TMEM132D: variants seen among roughly 807,000 people sequenced by gnomAD.
TMEM132D encodes transmembrane protein 132D, also known as mature OL transmembrane protein.
A neutral mutation model predicts 62.3 loss-of-function variants in TMEM132D; 21 were observed. The observed-to-expected ratio is 0.34, with a 90% confidence interval of 0.24 to 0.49. TMEM132D has a LOEUF of 0.49. Among genes scored for constraint, TMEM132D ranks in the 20% least tolerant of loss-of-function variants. The pLI is 0.99. For missense variants in TMEM132D, 1,346 were observed against 1,402.8 expected (o/e 0.96, Z 0.65); for synonymous variants, 621 against 575.6 (o/e 1.08, Z -1.13).
intron 2 of TMEM132D, among the ~76,000 whole-genome samples, chr12:129,549,810 C>T (rs541206032): frequency 3.7e-4 from 57 of 152,286 alleles, no homozygotes; most frequent in African/African-American, 1.3e-3. Flanking sequence ...TTCCTTTACC[C>T]CTTGTGACCG....
At chr12:129,644,579 A>G (rs896804011) in intron 2 of TMEM132D, among the ~76,000 whole-genome samples, 3 of 152,138 alleles carry the variant, frequency 2.0e-5, no homozygotes, top group Admixed American at 6.5e-5. Flanking sequence ...TGCAGTTACC[A>G]TTTTACAGTG....
chr12:129,240,684 A>T (rs1879913304), intron 4 of TMEM132D, among the ~76,000 whole-genome samples: 1 of 152,226 alleles, frequency 6.6e-6, no homozygotes, highest in African/African-American at 2.4e-5. Context: ...TCCAAGATAG[A>T]ACTCTTCAAG....
chr12:129,153,343 C>T (rs1424178546), intron 5 of TMEM132D, among the ~76,000 whole-genome samples: 2 of 152,130 alleles, frequency 1.3e-5, no homozygotes, highest in African/African-American at 4.8e-5. Flanking sequence ...GTGGTGTTGG[C>T]TCACGGCATA....
intron 2 of TMEM132D, among the ~76,000 whole-genome samples, chr12:129,541,416 C>T (rs1876579067): frequency 2.0e-5 from 3 of 152,230 alleles, no homozygotes; most frequent in South Asian, 2.1e-4. Context: ...TCATAGGAAT[C>T]GTTATGACTC....
chr12:129,175,806 C>T (rs1005131967), intron 5 of TMEM132D, among the ~76,000 whole-genome samples: 1 of 152,214 alleles, frequency 6.6e-6, no homozygotes, highest in Non-Finnish European at 1.5e-5. Context: ...CTTTGTCCAT[C>T]TAACTTCTCA....
rs978734240 is a variant in TMEM132D, at chr12:129,246,774, AAAAAAGAT to A, written c.1300-37119_1300-37112del. Among the ~76,000 whole-genome samples, 224 of 152,256 alleles carry A rather than the reference AAAAAAGAT, an allele frequency of 1.5e-3. 1 individual carries two copies. Among genetic ancestry groups the A allele is most frequent in the African/African-American group, 5.2e-3 (216 of 41,548 alleles). On this transcript the variant is annotated intron_variant, in intron 4 of 8. Transcript: ENST00000422113. ...GAGCAAGACTCTATCTCAAAAAAAA[AAAAAAGAT>A]AGAAAGTAGGCACATGGTATCAAGA...
intron 1 of TMEM132D, among the ~76,000 whole-genome samples, chr12:129,899,303 GC>G (rs1202994526): frequency 3.1e-5 from 4 of 129,446 alleles, no homozygotes; most frequent in East Asian, 4.3e-4. Flanking sequence ...ATGGATGCAT[GC>G]ATGGATGGAT....
chr12:129,403,456 C>T (rs76488740), intron 3 of TMEM132D, among the ~76,000 whole-genome samples: 3,725 of 151,586 alleles, frequency 0.025, 73 homozygotes, highest in Non-Finnish European at 0.037. Context: ...GAGTAGGAAA[C>T]GGCATTAATG....
chr12:129,883,162 A>G (rs193028174), intron 1 of TMEM132D, among the ~76,000 whole-genome samples: 86 of 152,344 alleles, frequency 5.6e-4, no homozygotes, highest in African/African-American at 1.8e-3. Flanking sequence ...GTCTCACAAA[A>G]AAATTACTAA....
In TMEM132D at chr12:129,600,784, TAG is replaced by T. The variant is rs200354646; in HGVS notation, c.969-69581_969-69580del. On this transcript the variant is annotated intron_variant, in intron 2 of 8. Coordinates refer to ENST00000422113, the MANE Select transcript of TMEM132D (RefSeq NM_133448.3). Reference sequence around the variant, plus strand: ...TCAACAGTGGGCTTAAAATATTCAGTAGACAGATGTGTGCTGTAAACAGATGT... The same window carrying T: ...TCAACAGTGGGCTTAAAATATTCAGTACAGATGTGTGCTGTAAACAGATGT... Among the ~76,000 whole-genome samples the T allele has an allele frequency of 8.1e-3, 1,227 of 152,304 alleles. 12 individuals carry two copies. Among genetic ancestry groups the T allele is most frequent in the African/African-American group, 0.029 (1,188 of 41,570 alleles).
intron 1 of TMEM132D, among the ~76,000 whole-genome samples, chr12:129,703,575 G>T (rs993162621): frequency 1.3e-4 from 20 of 151,668 alleles, no homozygotes; most frequent in African/African-American, 4.4e-4. Context: ...AATGGTTACT[G>T]TCACTAAAGG....
At chr12:129,600,769 G>T (rs1163729733) in intron 2 of TMEM132D, among the ~76,000 whole-genome samples, 2 of 152,126 alleles carry the variant, frequency 1.3e-5, no homozygotes. Flanking sequence ...TCAACAGTGG[G>T]CTTAAAATAT....
intron 5 of TMEM132D, among the ~76,000 whole-genome samples, chr12:129,107,137 C>T (rs1875526845): frequency 6.6e-6 from 1 of 152,124 alleles, no homozygotes; most frequent in Non-Finnish European, 1.5e-5. Flanking sequence ...AATTCATGTG[C>T]AAGAGCTCTA....
intron 2 of TMEM132D, among the ~76,000 whole-genome samples, chr12:129,605,660 C>CAT (rs34667480): frequency 0.053 from 7,464 of 139,836 alleles, 231 homozygotes; most frequent in Non-Finnish European, 0.066. Flanking sequence ...TATACATATA[C>CAT]ATATATATAT....
chr12:129,640,135 A>G (rs558459203), intron 2 of TMEM132D, among the ~76,000 whole-genome samples: 7 of 152,284 alleles, frequency 4.6e-5, no homozygotes, highest in African/African-American at 1.7e-4. Context: ...TCACTCGCCT[A>G]TTAATATTTC....
intron 3 of TMEM132D, among the ~76,000 whole-genome samples, chr12:129,408,088 C>A (rs1871850623): frequency 6.6e-6 from 1 of 152,044 alleles, no homozygotes; most frequent in Non-Finnish European, 1.5e-5. Context: ...TAAGTGATCT[C>A]CCCCCTCTGG....
chr12:129,167,036 T>C (rs1237628437), intron 5 of TMEM132D, among the ~76,000 whole-genome samples: 2 of 152,060 alleles, frequency 1.3e-5, no homozygotes, highest in East Asian at 3.9e-4. Flanking sequence ...GGTGCATGCC[T>C]GTGGGCCCAG....
intron 2 of TMEM132D, among the ~76,000 whole-genome samples, chr12:129,671,878 A>G (rs1274711882): frequency 6.6e-6 from 1 of 152,218 alleles, no homozygotes; most frequent in Non-Finnish European, 1.5e-5. Flanking sequence ...TTGGATTCTT[A>G]CAAATTGCAA....
At chr12:129,745,392 C>T (rs1294750820) in intron 1 of TMEM132D, among the ~76,000 whole-genome samples, 2 of 152,170 alleles carry the variant, frequency 1.3e-5, no homozygotes, top group African/African-American at 2.4e-5. Flanking sequence ...AACCCCAAGT[C>T]CATAGATCAG....
Sources: gnomAD v4.1 joint callset for allele counts (sites outside exome capture counted in the v4.1 genomes callset) on GRCh38, gnomAD v4.1.1 for gene constraint, MANE v1.5 for transcripts, NCBI Gene and HGNC (gene_info 2026-07-23, HGNC 2026-07-21) for gene names.